The following SP100 variants were observed in gnomAD, a reference collection of about 807,000 sequenced individuals.
SP100 encodes nuclear autoantigen Sp-100.
In SP100, 84 loss-of-function variants were observed where a neutral mutation model predicts 130.0. That is an observed-to-expected ratio of 0.65 (90% CI 0.54 to 0.77). The LOEUF (loss-of-function observed/expected upper bound fraction) is 0.77, where lower values mean the gene tolerates loss of function less well. SP100 is among the 30% of genes least tolerant of loss of function. SP100 has a pLI of 0.00. For missense variants in SP100, 978 were observed against 1,052.2 expected (o/e 0.93, Z 0.97); for synonymous variants, 331 against 351.7 (o/e 0.94, Z 0.66).
chr2:230,544,251 G>A lies in SP100; in HGVS notation c.*1305G>A, dbSNP rs1192761362. Among the ~76,000 whole-genome samples, 2 of 152,002 alleles carry A rather than the reference G, an allele frequency of 1.3e-5. No individual in the cohort carries two copies. Among genetic ancestry groups the A allele is most frequent in the Non-Finnish European group, 2.9e-5 (2 of 67,980 alleles). On this transcript the variant is annotated 3_prime_UTR_variant, in exon 29 of 29. Transcript: ENST00000340126. ...GAACAGGCAAAGATTTCATGATAAA[G>A]ACAAAAGCAATAGCAACAAAAGCAA...
At chr2:230,542,314 C>A (rs896881256) in intron 28 of SP100, among the ~76,000 whole-genome samples, 1 of 152,176 alleles carries the variant, frequency 6.6e-6, no homozygotes, top group Admixed American at 6.5e-5. Context: ...CAGTAGGCTG[C>A]AGACTCATTT....
rs2065005032 is a variant in SP100, at chr2:230,467,188, G to A, written c.1264G>A (p.Ala422Thr). Reference protein sequence around the residue: ...EEAPAEASSGALRSKHGEKAP... With the variant: ...EEAPAEASSGTLRSKHGEKAP... ...GGCGCCCGCAGAAGCCTCGAGCGGG[G>A]CACTGAGAAGCAAGCATGGTGAGAA... The change falls in exon 13 of 29, where the codon GCA (alanine) becomes ACA (threonine). Residue 422 changes from alanine (A) to threonine (T), a missense_variant. Coordinates refer to ENST00000340126, the MANE Select transcript of SP100 (RefSeq NM_001080391.2). The A allele has an allele frequency of 3.7e-6, 6 of 1,613,796 alleles. No homozygotes were observed. The East Asian group carries it at 1.1e-4, about 30-fold the overall frequency.
chr2:230,450,038 C>A, intron 7 of SP100, 134 bp from the exon 8 acceptor site: 1 of 659,094 alleles, frequency 1.5e-6, no homozygotes, highest in Non-Finnish European at 2.7e-6. Context: ...AACACCTTCA[C>A]GCAGCAATAT....
chr2:230,467,029 T>G, intron 12 of SP100, 91 bp from the exon 13 acceptor site: 1 of 863,934 alleles, frequency 1.2e-6, no homozygotes, highest in South Asian at 1.5e-5. Flanking sequence ...CATCACAAAT[T>G]TTCCTAGTTT....
intron 13 of SP100, chr2:230,468,821 A>AG (rs375129786): frequency 0.091 from 12,967 of 143,256 alleles, 351 homozygotes; most frequent in African/African-American, 0.13. Flanking sequence ...CTGTCTCAAA[A>AG]AAAAAAAAAA....
rs969396499 is a variant in SP100 at position 230,541,164 on chromosome 2, G to C, written c.2332-137G>C. The C allele has an allele frequency of 1.5e-5, 19 of 1,226,376 alleles. No homozygotes were observed. The African/African-American group carries it at 2.7e-4, about 18-fold the overall frequency. 76.0% of individuals were successfully genotyped at this position (1,226,376 alleles called of 1,614,324 possible). On this transcript the variant is annotated intron_variant, in intron 26 of 28. Coordinates refer to ENST00000340126, the MANE Select transcript of SP100 (RefSeq NM_001080391.2). Reference sequence around the variant, plus strand: ...AATTCATATTCCAAAGAAAAATCCCGGTCCAAAGAAACTCCCCATGCCATG... The same window carrying C: ...AATTCATATTCCAAAGAAAAATCCCCGTCCAAAGAAACTCCCCATGCCATG...
chr2:230,434,724 A>C (rs2063198202), intron 2 of SP100, among the ~76,000 whole-genome samples: 1 of 152,164 alleles, frequency 6.6e-6, no homozygotes. Flanking sequence ...TGAAGCAAGG[A>C]TCTAAAAGAG....
intron 21 of SP100, 108 bp from the exon 22 acceptor site, chr2:230,506,195 C>T (rs1690085888): frequency 1.7e-6 from 2 of 1,155,440 alleles, no homozygotes; most frequent in Non-Finnish European, 2.5e-6. Flanking sequence ...TCAGACTTTA[C>T]TGCTACGATC....
At chr2:230,448,374 G>C (rs1211495901) in intron 5 of SP100, among the ~76,000 whole-genome samples, 2 of 152,158 alleles carry the variant, frequency 1.3e-5, no homozygotes, top group Non-Finnish European at 1.5e-5. Flanking sequence ...TAATGCTCAT[G>C]ACAGCCATTG....
intron 2 of SP100, among the ~76,000 whole-genome samples, chr2:230,421,951 CTCTT>C (rs1180332910): frequency 6.6e-6 from 1 of 152,074 alleles, no homozygotes; most frequent in African/African-American, 2.4e-5. Flanking sequence ...CTTTATCTCT[CTCTT>C]TTATCTTTTG....
chr2:230,419,356 C>T (rs1379085362), intron 2 of SP100, among the ~76,000 whole-genome samples: 1 of 152,174 alleles, frequency 6.6e-6, no homozygotes, highest in African/African-American at 2.4e-5. Flanking sequence ...TCCCTTTATC[C>T]AGGGTATCCA....
intron 8 of SP100, among the ~76,000 whole-genome samples, chr2:230,452,930 T>C (rs1176951676): frequency 1.3e-5 from 2 of 152,146 alleles, no homozygotes; most frequent in Non-Finnish European, 2.9e-5. Context: ...GAATGCCTTT[T>C]ATTTCTTTTG....
intron 24 of SP100, among the ~76,000 whole-genome samples, chr2:230,524,672 T>A (rs1691343905): frequency 6.6e-6 from 1 of 152,196 alleles, no homozygotes; most frequent in Non-Finnish European, 1.5e-5. Flanking sequence ...ATTTAAAATC[T>A]TAAAGTCATT....
At chr2:230,536,205 G>A (rs543529058) in intron 24 of SP100, among the ~76,000 whole-genome samples, 2 of 152,238 alleles carry the variant, frequency 1.3e-5, no homozygotes, top group East Asian at 3.9e-4. Context: ...GAAACCTATA[G>A]TATTCAGTTA....
intron 13 of SP100, chr2:230,468,817 C>CAA (rs10617635): frequency 0.021 from 3,077 of 148,820 alleles, 105 homozygotes; most frequent in Admixed American, 0.037. Flanking sequence ...GACCCTGTCT[C>CAA]AAAAAAAAAA....
At chr2:230,438,736 A>G (rs1158775929) in intron 2 of SP100, among the ~76,000 whole-genome samples, 1 of 152,006 alleles carries the variant, frequency 6.6e-6, no homozygotes, top group Non-Finnish European at 1.5e-5. Context: ...ATATACATAT[A>G]TATATCACAT....
chr2:230,473,884 G>GAA (rs552935181), intron 16 of SP100, among the ~76,000 whole-genome samples: 2 of 133,804 alleles, frequency 1.5e-5, no homozygotes, highest in African/African-American at 2.8e-5. Flanking sequence ...CCTTGTTCTT[G>GAA]AAAAAAAAAA....
chr2:230,516,237 A>G (rs1690910002), intron 24 of SP100: 1 of 197,572 alleles, frequency 5.1e-6, no homozygotes, highest in African/African-American at 2.4e-5. Context: ...TAAAATAATC[A>G]GTGTTTCCAA....
chr2:230,464,060 T>A lies in SP100; in HGVS notation c.1058-7T>A, dbSNP rs1384369625. ...AGACCTCTAAAGAATCCCATTCTTTTGTGCAGTGATCAATAATGACAACCC... is the reference window on the plus strand; with the variant it reads ...AGACCTCTAAAGAATCCCATTCTTTAGTGCAGTGATCAATAATGACAACCC... On this transcript the variant is annotated splice_region_variant and splice_polypyrimidine_tract_variant and intron_variant, in intron 10 of 28. Coordinates refer to ENST00000340126, the MANE Select transcript of SP100 (RefSeq NM_001080391.2). 6.3e-7 allele frequency: 1 copy of A among 1,599,876 alleles called. No individual in the cohort carries two copies. The highest frequency in any genetic ancestry group is 2.2e-5 in the East Asian group (1 of 44,818).
Sources: allele counts gnomAD v4.1 joint callset (sites outside exome capture counted in the v4.1 genomes callset), GRCh38; gene constraint gnomAD v4.1.1; transcripts MANE v1.5; gene names NCBI Gene and HGNC (gene_info 2026-07-23, HGNC 2026-07-21).